The following BICD1 variants were observed in gnomAD, a reference collection of about 807,000 sequenced individuals.
The protein encoded by BICD1 is BICD cargo adaptor 1.
BICD1 carries 35 observed loss-of-function variants against 92.5 expected under a neutral mutation model. That is an observed-to-expected ratio of 0.38 (90% CI 0.29 to 0.50). The LOEUF is 0.50. Among genes scored for constraint, BICD1 ranks in the 20% least tolerant of loss-of-function variants. The pLI, the probability that BICD1 is intolerant of heterozygous loss-of-function variation, is 0.93. For missense variants in BICD1, 950 were observed against 1,189.8 expected (o/e 0.80, Z 2.97); for synonymous variants, 429 against 465.1 (o/e 0.92, Z 1.00).
rs117569102 is a variant in BICD1, at chr12:32,377,905, G to A, written c.*278G>A. On this transcript the variant is annotated 3_prime_UTR_variant, in exon 10 of 10. Transcript: ENST00000652176. The stretch of plus-strand genomic sequence containing the variant: ...AAAAAAGAAAAAAGAAACAGAAAAC[G>A]TGTCTCAGATGGCTGGCTTTACCTC... The A allele has an allele frequency of 1.9e-3, 616 of 321,526 alleles. 5 individuals carry two copies. Among genetic ancestry groups the A allele is most frequent in the East Asian group, 0.017 (295 of 16,944 alleles). 19.9% of individuals were successfully genotyped at this position (321,526 alleles called of 1,614,324 possible).
chr12:32,348,455 C>T (rs925132981), intron 8 of BICD1, among the ~76,000 whole-genome samples: 2 of 151,170 alleles, frequency 1.3e-5, no homozygotes, highest in Admixed American at 6.6e-5. Flanking sequence ...TCTAATATAT[C>T]CATAAAGTGA....
intron 8 of BICD1, among the ~76,000 whole-genome samples, chr12:32,361,940 G>C (rs1939345300): frequency 6.6e-6 from 1 of 152,210 alleles, no homozygotes; most frequent in African/African-American, 2.4e-5. Flanking sequence ...GCCCACTGCT[G>C]CCATCTGGGC....
chr12:32,143,813 A>T (rs571438386), intron 1 of BICD1, among the ~76,000 whole-genome samples: 1 of 152,342 alleles, frequency 6.6e-6, no homozygotes, highest in Admixed American at 6.5e-5. Flanking sequence ...TCAGATTTTA[A>T]CATTTGGCTC....
intron 1 of BICD1, among the ~76,000 whole-genome samples, chr12:32,181,300 A>G (rs1188361103): frequency 6.6e-6 from 1 of 151,654 alleles, no homozygotes; most frequent in Non-Finnish European, 1.5e-5. Flanking sequence ...TGCGCCTGTA[A>G]TCCTAGCCAC....
chr12:32,169,373 G>A (rs1943867158), intron 1 of BICD1, among the ~76,000 whole-genome samples: 1 of 152,134 alleles, frequency 6.6e-6, no homozygotes, highest in Non-Finnish European at 1.5e-5. Flanking sequence ...CTCCTTCTGA[G>A]GCCTTCTGAG....
At chr12:32,120,968 ATT>A (rs1276999379) in intron 1 of BICD1, among the ~76,000 whole-genome samples, 4 of 128,470 alleles carry the variant, frequency 3.1e-5, no homozygotes, top group Admixed American at 1.7e-4. Context: ...GCTCCATAGA[ATT>A]TTTTTTTTTT....
intron 1 of BICD1, among the ~76,000 whole-genome samples, chr12:32,141,097 T>C (rs1942906164): frequency 6.6e-6 from 1 of 152,214 alleles, no homozygotes; most frequent in African/African-American, 2.4e-5. Context: ...TTTTCTGTTT[T>C]GTGTCTTTCC....
intron 2 of BICD1, among the ~76,000 whole-genome samples, chr12:32,286,622 G>T (rs11051903): frequency 0.12 from 18,894 of 152,134 alleles, 1,286 homozygotes; most frequent in East Asian, 0.21. Context: ...AACAAGTCAA[G>T]TTATTTTGAA....
At chr12:32,118,687 G>C (rs998584646) in intron 1 of BICD1, among the ~76,000 whole-genome samples, 1 of 152,198 alleles carries the variant, frequency 6.6e-6, no homozygotes, top group Non-Finnish European at 1.5e-5. Context: ...AGCATCTGTG[G>C]ATTTTGGTAT....
At chr12:32,145,277 A>G (rs1943069480) in intron 1 of BICD1, among the ~76,000 whole-genome samples, 1 of 152,206 alleles carries the variant, frequency 6.6e-6, no homozygotes, top group Non-Finnish European at 1.5e-5. Flanking sequence ...GTGACACGAG[A>G]TAATGATGTG....
intron 2 of BICD1, among the ~76,000 whole-genome samples, chr12:32,256,163 C>A (rs1040232006): frequency 6.6e-6 from 1 of 152,158 alleles, no homozygotes; most frequent in Non-Finnish European, 1.5e-5. Context: ...AGCAATCCTC[C>A]TGTCTCAGCC....
At chr12:32,117,709 T>TACACACAC (rs71064996) in intron 1 of BICD1, among the ~76,000 whole-genome samples, 185 of 85,126 alleles carry the variant, frequency 2.2e-3, no homozygotes, top group African/African-American at 9.8e-3. Flanking sequence ...CACAAATATA[T>TACACACAC]ATACACACAC....
In BICD1 at chr12:32,328,635, G is replaced by T; in HGVS notation, c.2100+80G>T. ...ATTCCCTAATTTTATTGAGTATCGA[G>T]TATCGTCAAGATGAGAGTTCAGATT... On this transcript the variant is annotated intron_variant, in intron 5 of 9. Transcript: ENST00000652176. The surrounding 1 kb of genome is among the most constrained non-coding windows in gnomAD (Gnocchi z 4.4). The T allele has an allele frequency of 6.6e-7, 1 of 1,514,962 alleles. No homozygotes were observed. The highest frequency in any genetic ancestry group is 8.9e-7 in the Non-Finnish European group (1 of 1,129,634). The allele number at this position is 1,514,962 out of a possible 1,614,324, so 93.8% of individuals were successfully genotyped here. A position where few individuals can be genotyped will look rare whatever the true frequency, so the allele number is the denominator to read the frequency against.
chr12:32,375,079 C>T (rs531026700), intron 9 of BICD1, among the ~76,000 whole-genome samples: 1 of 151,222 alleles, frequency 6.6e-6, no homozygotes, highest in Non-Finnish European at 1.5e-5. Flanking sequence ...CCACCACGCC[C>T]AGCTAATTTT....
chr12:32,224,813 T>C (rs745655779), intron 2 of BICD1, among the ~76,000 whole-genome samples: 8 of 152,154 alleles, frequency 5.3e-5, no homozygotes, highest in South Asian at 2.1e-4. Context: ...GCGATTCTCC[T>C]GCCTCAGCCT....
At chr12:32,261,591 A>G (rs1334527011) in intron 2 of BICD1, among the ~76,000 whole-genome samples, 2 of 152,100 alleles carry the variant, frequency 1.3e-5, no homozygotes, top group African/African-American at 4.8e-5. Flanking sequence ...GTATTGTCAT[A>G]TTTTCATGGA....
chr12:32,225,622 T>TTTTTG (rs1555150867), intron 2 of BICD1, among the ~76,000 whole-genome samples: 10 of 8,774 alleles, frequency 1.1e-3, no homozygotes, highest in Non-Finnish European at 1.6e-3. Context: ...TTTTTTTCTG[T>TTTTTG]TTTTTTTTTT....
intron 1 of BICD1, chr12:32,107,773 G>C: frequency 1.4e-6 from 1 of 706,470 alleles, no homozygotes; most frequent in Non-Finnish European, 2.6e-6. Context: ...ATGGCTGTTT[G>C]GCCTGCGGGG....
At chr12:32,298,636 C>T (rs184264188) in intron 3 of BICD1, among the ~76,000 whole-genome samples, 65 of 148,290 alleles carry the variant, frequency 4.4e-4, no homozygotes, top group African/African-American at 1.5e-3. Flanking sequence ...TTGGGGAGGC[C>T]GAGGCGGGCA....
Sources: gnomAD v4.1 joint callset for allele counts (sites outside exome capture counted in the v4.1 genomes callset) on GRCh38, gnomAD v4.1.1 for gene constraint, Gnocchi (gnomAD v3.1) non-coding constraint, MANE v1.5 for transcripts, NCBI Gene and HGNC (gene_info 2026-07-23, HGNC 2026-07-21) for gene names.